Variants in SFMBT2 observed in about 807,000 individuals in gnomAD.
SFMBT2 encodes the protein Scm like with four mbt domains 2, also known as scm-like with four MBT domains protein 2.
In SFMBT2, 38 loss-of-function variants were observed where a neutral mutation model predicts 110.1. The observed-to-expected ratio is 0.35, with a 90% CI of 0.27 to 0.45. The LOEUF is 0.45. Among genes scored for constraint, SFMBT2 ranks in the 20% least tolerant of loss-of-function variants. The pLI is 1.00. For synonymous variants in SFMBT2, 425 were observed against 425.4 expected, an observed-to-expected ratio of 1.00 and a Z score of 0.01; for missense variants, 1,011 against 1,094.9, an observed-to-expected ratio of 0.92 and a Z score of 1.08.
At chr10:7,264,079 G>T in intron 7 of SFMBT2, 1 of 244,212 alleles carries the variant, frequency 4.1e-6, no homozygotes, top group Non-Finnish European at 6.6e-6. Context: ...AGTAGAGAGG[G>T]TGTCCATGCA....
At chr10:7,183,393 A>G (rs1838299749) in intron 16 of SFMBT2, among the ~76,000 whole-genome samples, 1 of 152,198 alleles carries the variant, frequency 6.6e-6, no homozygotes, top group Non-Finnish European at 1.5e-5. Context: ...TGAGACAGTA[A>G]AGGAAGTCAC....
intron 15 of SFMBT2, chr10:7,189,171 G>A: frequency 6.1e-6 from 6 of 985,354 alleles, no homozygotes; most frequent in Middle Eastern, 5.2e-4. Context: ...AACACTTCTG[G>A]AGAGGCTTCA....
chr10:7,268,600 T>G (rs1841469892), intron 7 of SFMBT2, among the ~76,000 whole-genome samples: 1 of 151,980 alleles, frequency 6.6e-6, no homozygotes. Flanking sequence ...AATCTCCACC[T>G]CTTGGGTTCA....
intron 4 of SFMBT2, among the ~76,000 whole-genome samples, chr10:7,286,827 G>A (rs546903257): frequency 2.6e-5 from 4 of 152,216 alleles, no homozygotes; most frequent in East Asian, 3.9e-4. Flanking sequence ...CACTCCAAGC[G>A]CACAGCACTG....
intron 1 of SFMBT2, among the ~76,000 whole-genome samples, chr10:7,405,369 G>C (rs150552237): frequency 1.0e-3 from 152 of 152,298 alleles, no homozygotes; most frequent in African/African-American, 3.4e-3. Flanking sequence ...CTCTAACCCA[G>C]TCCATACCTT....
intron 11 of SFMBT2, chr10:7,219,715 A>C (rs60245227): frequency 0.52 from 192,316 of 372,576 alleles, 53,351 homozygotes; most frequent in East Asian, 0.86. Flanking sequence ...AGGAAAAAAA[A>C]CCAAAGAATT....
At chr10:7,198,642 T>C (rs1469089272) in intron 14 of SFMBT2, among the ~76,000 whole-genome samples, 1 of 152,224 alleles carries the variant, frequency 6.6e-6, no homozygotes, top group South Asian at 2.1e-4. Flanking sequence ...AAGTGTGCAT[T>C]ACCTGTATTC....
intron 13 of SFMBT2, among the ~76,000 whole-genome samples, chr10:7,201,318 C>A (rs1200540072): frequency 3.3e-5 from 5 of 152,174 alleles, no homozygotes; most frequent in Admixed American, 2.0e-4. Flanking sequence ...GAGGATGGGG[C>A]CCAGCAATCT....
rs768711663 is a variant in SFMBT2, at chr10:7,197,536, C to A, written c.1698+12G>T. ...GTTAAAATAAGCCAAGGTGATTGTG[C>A]ACGGGCTTTACCTCTTTAAGAACCA... On this transcript the variant is annotated intron_variant, in intron 15 of 20. Coordinates refer to ENST00000397167, the MANE Select transcript of SFMBT2 (RefSeq NM_001387889.1). 1.2e-6 allele frequency: 2 copies of A among 1,612,430 alleles called. No individual in the cohort carries two copies. Among genetic ancestry groups the A allele is most frequent in the East Asian group, 4.5e-5 (2 of 44,860 alleles).
Position 7,171,814 on chromosome 10 carries a change from C to A in SFMBT2, c.2415+81G>T. The A allele has an allele frequency of 1.5e-6, 2 of 1,308,242 alleles. No homozygotes were observed. The highest frequency in any genetic ancestry group is 2.0e-6 in the Non-Finnish European group (2 of 1,018,352). The allele number at this position is 1,308,242 out of a possible 1,614,324, so 81.0% of individuals were successfully genotyped here. On this transcript the variant is annotated intron_variant, in intron 19 of 20. Transcript: ENST00000397167. This position sits in a 1 kb window ranked among gnomAD's most constrained non-coding sequence, Gnocchi z 4.9. Reference sequence around the variant, plus strand: ...TTGGAGGTATTTTAAACAGGTTTCCCCACATCGTGGCCCTGAAGTGTAACA... The same window carrying A: ...TTGGAGGTATTTTAAACAGGTTTCCACACATCGTGGCCCTGAAGTGTAACA...
At chr10:7,366,954 G>A (rs1290598639) in intron 4 of SFMBT2, among the ~76,000 whole-genome samples, 1 of 152,072 alleles carries the variant, frequency 6.6e-6, no homozygotes, top group African/African-American at 2.4e-5. Context: ...GGGTAAAACT[G>A]CCCCCGGAGA....
rs917926570 is a variant in SFMBT2, at chr10:7,161,173, G to A, written c.*2597C>T. 2.6e-5 allele frequency: 4 copies of A among 152,226 alleles called. No homozygotes were observed. The highest frequency in any genetic ancestry group is 5.9e-5 in the Non-Finnish European group (4 of 68,050). 9.4% of individuals were successfully genotyped at this position (152,226 alleles called of 1,614,324 possible). A position where few individuals can be genotyped will look rare whatever the true frequency, so the allele number is the denominator to read the frequency against. On this transcript the variant is annotated 3_prime_UTR_variant, in exon 21 of 21. Transcript: ENST00000397167. The stretch of plus-strand genomic sequence containing the variant: ...CTGCGACAGTGGCTGTATCCTTCCT[G>A]AGCTCCTGGCGGGCCACACACTCTA...
intron 5 of SFMBT2, 153 bp from the exon 6 acceptor site, chr10:7,284,303 A>T: frequency 6.1e-6 from 7 of 1,141,098 alleles, no homozygotes; most frequent in East Asian, 2.6e-5. Flanking sequence ...TGCCCAGCCC[A>T]TGCCCCACCC....
At chr10:7,315,229 CATT>C (rs901916108) in intron 4 of SFMBT2, among the ~76,000 whole-genome samples, 14 of 152,188 alleles carry the variant, frequency 9.2e-5, no homozygotes, top group Non-Finnish European at 5.9e-5. Context: ...TTTGGTCAAA[CATT>C]ATTCTGGGTG....
rs200061280 is a variant in SFMBT2 at position 7,247,212 on chromosome 10, G to A, written c.972+1336C>T. ...GCTCACTACAACCTCTGCTTCCCAG[G>A]TTCAAGCGATTCTCCTGCCTCAGCC... On this transcript the variant is annotated intron_variant, in intron 8 of 20. Transcript: ENST00000397167. Among the ~76,000 whole-genome samples, 3 of 152,124 alleles carry A rather than the reference G, an allele frequency of 2.0e-5. No individual in the cohort carries two copies. The East Asian group carries it at 5.8e-4, about 29-fold the overall frequency.
At chr10:7,226,010 C>T (rs1476726144) in intron 10 of SFMBT2, among the ~76,000 whole-genome samples, 1 of 152,190 alleles carries the variant, frequency 6.6e-6, no homozygotes, top group African/African-American at 2.4e-5. Context: ...GGGGGCATGG[C>T]TATGCAGCTG....
At chr10:7,375,620 C>T (rs929096271) in intron 2 of SFMBT2, among the ~76,000 whole-genome samples, 1 of 152,082 alleles carries the variant, frequency 6.6e-6, no homozygotes, top group Admixed American at 6.6e-5. Flanking sequence ...GGAACCGTGG[C>T]CACCTGCCTA....
At chr10:7,287,448 C>T in intron 4 of SFMBT2, 1 of 244,126 alleles carries the variant, frequency 4.1e-6, no homozygotes. Context: ...GAACCCAAGA[C>T]CTGAGGAAAG....
At chr10:7,229,982 G>T (rs1840067279) in intron 9 of SFMBT2, among the ~76,000 whole-genome samples, 1 of 151,266 alleles carries the variant, frequency 6.6e-6, no homozygotes, top group South Asian at 2.1e-4. Flanking sequence ...ATCCCAAAGT[G>T]CTGGGATTAC....
Sources: allele counts gnomAD v4.1 joint callset (sites outside exome capture counted in the v4.1 genomes callset), GRCh38; gene constraint gnomAD v4.1.1; non-coding constraint Gnocchi (gnomAD v3.1); transcripts MANE v1.5; gene names NCBI Gene and HGNC (gene_info 2026-07-23, HGNC 2026-07-21).